ZFP62: variants seen among roughly 807,000 people sequenced by gnomAD.
ZFP62 encodes ZFP62 zinc finger protein.
Under a neutral mutation model 56.4 loss-of-function variants are expected in ZFP62, and 44 were observed. The ratio of observed to expected loss-of-function variants is 0.78; its 90% CI spans 0.61 to 1.00. ZFP62 has a LOEUF of 1.00. Among genes scored for constraint, ZFP62 ranks in the 50% least tolerant of loss-of-function variants. The probability of loss-of-function intolerance (pLI) is 0.00; values close to 1 mark genes in which losing one functional copy is unlikely to be tolerated. For missense variants in ZFP62, 1,030 were observed against 1,085.7 expected, an observed-to-expected ratio of 0.95 and a Z score of 0.72; for synonymous variants, 421 against 388.9, an observed-to-expected ratio of 1.08 and a Z score of -0.97.
intron 1 of ZFP62, among the ~76,000 whole-genome samples, chr5:180,855,845 C>G (rs1773939923): frequency 6.6e-6 from 1 of 152,164 alleles, no homozygotes; most frequent in South Asian, 2.1e-4. Context: ...TATCCCTGCC[C>G]AATTCTTTCT....
rs1320665037 is a variant in ZFP62, at chr5:180,849,269, A to G, written c.2226T>C (p.Ser742=). Residue 742 remains serine (S), a synonymous_variant, in exon 2 of 2, where the codon TCT becomes TCC. Coordinates refer to ENST00000502412, the MANE Select transcript of ZFP62 (RefSeq NM_001172638.2). ...VECGKSFSYS[S]LLSQHKRIHT... ...GGATCCTCTTGTGCTGAGAAAGGAG[A>G]GAGCTGTAACTGAAAGATTTCCCAC... 2 of 1,553,216 alleles carry G rather than the reference A, an allele frequency of 1.3e-6. No individual in the cohort carries two copies. Among genetic ancestry groups the G allele is most frequent in the Admixed American group, 3.9e-5 (2 of 51,022 alleles).
Position 180,849,548 on chromosome 5 carries a change from C to A in ZFP62, c.1947G>T (p.Arg649Ser), listed in dbSNP as rs1172309551. Residue 649 changes from arginine to serine, a missense_variant, in exon 2 of 2, where the codon AGG becomes AGT. Transcript: ENST00000502412. ...AGTTGTTTCTGAAGACCTTCTCACA[C>A]CTGTCACATTCATAGGGTTTCTCTC... Reference protein sequence around the residue: ...HTREKPYECDRCEKVFRNNSS... With the variant: ...HTREKPYECDSCEKVFRNNSS... 1.3e-6 allele frequency: 2 copies of A among 1,552,182 alleles called. No homozygotes were observed. The highest frequency in any genetic ancestry group is 1.7e-6 in the Non-Finnish European group (2 of 1,147,114).
intron 1 of ZFP62, among the ~76,000 whole-genome samples, chr5:180,851,728 GAAC>G (rs1773723591): frequency 6.6e-6 from 1 of 152,166 alleles, no homozygotes; most frequent in South Asian, 2.1e-4. Context: ...ATTTTCAATG[GAAC>G]AATGAGCTTT....
intron 1 of ZFP62, among the ~76,000 whole-genome samples, chr5:180,853,194 A>G (rs1773802734): frequency 6.6e-6 from 1 of 152,276 alleles, no homozygotes; most frequent in Non-Finnish European, 1.5e-5. Flanking sequence ...CAAGCACAGA[A>G]GACTGGTTAA....
the ZFP62 span, among the ~76,000 whole-genome samples, chr5:180,832,098 A>G: frequency 6.6e-6 from 1 of 152,160 alleles, no homozygotes; most frequent in African/African-American, 2.4e-5. Context: ...TCAAAACAAA[A>G]AACAAAAAAC....
chr5:180,842,385 T>C, the ZFP62 span, among the ~76,000 whole-genome samples: 1 of 151,930 alleles, frequency 6.6e-6, no homozygotes, highest in Non-Finnish European at 1.5e-5. Flanking sequence ...GCCCAGAGTA[T>C]ACAAAAAAGG....
downstream of ZFP62, among the ~76,000 whole-genome samples, chr5:180,847,108 A>G (rs1399284615): frequency 2.0e-5 from 3 of 152,230 alleles, no homozygotes; most frequent in Admixed American, 2.0e-4. Flanking sequence ...GGAGTCCCAG[A>G]AGGAGATGGG....
At chr5:180,827,568 G>C in the ZFP62 span, among the ~76,000 whole-genome samples, 1 of 152,198 alleles carries the variant, frequency 6.6e-6, no homozygotes, top group Non-Finnish European at 1.5e-5. Context: ...GCGGAAGGCC[G>C]CAGGGACCTC....
At position 180,848,019 on chromosome 5, in the gene ZFP62, G is replaced by A. The variant is rs1300897599; in HGVS notation, c.*773C>T. Reference sequence around the variant, plus strand: ...AACCTTTTATTGTAGCATAATGTGTGAATACCACTTCCAGGTTATCCCTCA... The same window carrying A: ...AACCTTTTATTGTAGCATAATGTGTAAATACCACTTCCAGGTTATCCCTCA... On this transcript the variant is annotated 3_prime_UTR_variant, in exon 2 of 2. Coordinates refer to ENST00000502412, the MANE Select transcript of ZFP62 (RefSeq NM_001172638.2). 1.0e-6 allele frequency: 1 copy of A among 985,264 alleles called. No individual in the cohort carries two copies. The allele number at this position is 985,264 out of a possible 1,614,324, so 61.0% of individuals were successfully genotyped here.
rs1773542741 is a variant in ZFP62, at chr5:180,849,217, C to T, written c.2278G>A (p.Asp760Asn). ...IHTGEKPYVC[D>N]RCGKAFRNSS... ...TTCCTGAAGGCCTTCCCACACCTATCACACACATAGGGTTTCTCCCCTGTG... is the reference window on the plus strand; with the variant it reads ...TTCCTGAAGGCCTTCCCACACCTATTACACACATAGGGTTTCTCCCCTGTG... Residue 760 changes from aspartate (D) to asparagine (N), a missense_variant, in exon 2 of 2, where the codon GAT becomes AAT. Physicochemically the swap from Asp to Asn is conservative, Grantham distance 23. Coordinates refer to ENST00000502412, the MANE Select transcript of ZFP62 (RefSeq NM_001172638.2). 6.4e-7 allele frequency: 1 copy of T among 1,559,720 alleles called. No individual in the cohort carries two copies. The highest frequency in any genetic ancestry group is 8.7e-7 in the Non-Finnish European group (1 of 1,152,024).
At position 180,851,209 on chromosome 5, in the gene ZFP62, G is replaced by T. The variant is rs150126330; in HGVS notation, c.286C>A (p.Leu96Met). 265 of 1,551,694 alleles carry T rather than the reference G, an allele frequency of 1.7e-4. No individual in the cohort carries two copies. In the African/African-American group the frequency reaches 3.3e-3, roughly 20 times the overall value. The stretch of plus-strand genomic sequence containing the variant: ...TGGTGTGTGATATGCTGTGGGCTCA[G>T]ATGCAAGCTCTTCTCAGATGCCTCA... ...EGEASEKSLHLSPQHITHQTM... is the reference protein window; with the variant it reads ...EGEASEKSLHMSPQHITHQTM... Residue 96 changes from leucine (L) to methionine (M), a missense_variant, in exon 2 of 2, where the codon CTG (leucine) becomes ATG (methionine). Physicochemically the swap from Leu to Met is conservative, Grantham distance 15. Transcript: ENST00000502412.
chr5:180,836,483 T>C, the ZFP62 span, among the ~76,000 whole-genome samples: 1 of 152,216 alleles, frequency 6.6e-6, no homozygotes, highest in Non-Finnish European at 1.5e-5. Context: ...CTCTCACTCC[T>C]CATAAGGACA....
At chr5:180,854,741 C>G (rs1308085204) in intron 1 of ZFP62, among the ~76,000 whole-genome samples, 1 of 152,040 alleles carries the variant, frequency 6.6e-6, no homozygotes, top group Non-Finnish European at 1.5e-5. Flanking sequence ...CAGGTAAACC[C>G]AAAACGAACA....
downstream of ZFP62, among the ~76,000 whole-genome samples, chr5:180,846,144 C>T (rs1367570909): frequency 1.3e-5 from 2 of 152,168 alleles, no homozygotes; most frequent in African/African-American, 4.8e-5. Flanking sequence ...ACAAGGGAGA[C>T]CCCACCATGT....
At chr5:180,829,712 G>A in the ZFP62 span, among the ~76,000 whole-genome samples, 4 of 152,194 alleles carry the variant, frequency 2.6e-5, no homozygotes, top group African/African-American at 9.7e-5. Context: ...GTTTGCCAAG[G>A]TGGAAAGAGA....
At chr5:180,835,490 G>C in the ZFP62 span, 1 of 152,130 alleles carries the variant, frequency 6.6e-6, no homozygotes, top group Non-Finnish European at 1.5e-5. Flanking sequence ...GGTATATTGT[G>C]ACCCTGGCAT....
At chr5:180,830,098 C>G in the ZFP62 span, 1 of 152,102 alleles carries the variant, frequency 6.6e-6, no homozygotes, top group African/African-American at 2.4e-5. Context: ...GAAGTGTACT[C>G]AGAATGGAGG....
Position 180,849,107 on chromosome 5 carries a change from T to A in ZFP62, c.2388A>T (p.Ser796=), listed in dbSNP as rs181385267. The change falls in exon 2 of 2, where the codon TCA becomes TCT. Residue 796 remains serine, a synonymous_variant. Transcript: ENST00000502412. ...ECDECGKAYI[S]HSSLINHKSV... ...TTTTATGATTGATAAGACTTGAGTG[T>A]GAGATGTATGCCTTCCCACACTCAT... 92 of 1,555,748 alleles carry A rather than the reference T, an allele frequency of 5.9e-5. No individual in the cohort carries two copies. The African/African-American group carries it at 1.1e-3, about 19-fold the overall frequency.
At chr5:180,828,243 C>A in the ZFP62 span, among the ~76,000 whole-genome samples, 19 of 152,312 alleles carry the variant, frequency 1.2e-4, no homozygotes, top group African/African-American at 4.3e-4. Context: ...ACGTGCCCTG[C>A]CAAACCTCTG....
Sources: gnomAD v4.1 joint callset for allele counts (sites outside exome capture counted in the v4.1 genomes callset) on GRCh38, gnomAD v4.1.1 for gene constraint, MANE v1.5 for transcripts, NCBI Gene and HGNC (gene_info 2026-07-23, HGNC 2026-07-21) for gene names.